SH3GL2: variants seen among roughly 807,000 people sequenced by gnomAD.
SH3GL2 encodes the protein SH3 domain containing GRB2 like 2, endophilin A1, also known as endophilin-A1.
Under a neutral mutation model 46.0 loss-of-function variants are expected in SH3GL2, and 24 were observed. That is an observed-to-expected ratio of 0.52 (90% CI 0.38 to 0.73). SH3GL2 has a LOEUF of 0.73. Ranked by LOEUF, SH3GL2 falls within the 30% of genes least tolerant of loss-of-function variation. The probability of loss-of-function intolerance (pLI) is 0.00; values close to 1 mark genes in which losing one functional copy is unlikely to be tolerated. For missense variants in SH3GL2, 413 were observed against 424.2 expected (o/e 0.97, Z 0.23); for synonymous variants, 196 against 147.1 (o/e 1.33, Z -2.40).
chr9:17,641,189 G>A (rs1819672867), intron 1 of SH3GL2, among the ~76,000 whole-genome samples: 1 of 151,978 alleles, frequency 6.6e-6, no homozygotes. Flanking sequence ...TTATAGTTTA[G>A]GCTTCTATCT....
chr9:17,792,780 C>G (rs529276058), intron 7 of SH3GL2, among the ~76,000 whole-genome samples: 3 of 152,324 alleles, frequency 2.0e-5, no homozygotes, highest in African/African-American at 7.2e-5. Flanking sequence ...CACCTTCACC[C>G]ACAACCACAC....
intron 1 of SH3GL2, among the ~76,000 whole-genome samples, chr9:17,611,271 G>C (rs547533637): frequency 6.6e-6 from 1 of 152,040 alleles, no homozygotes; most frequent in Non-Finnish European, 1.5e-5. Flanking sequence ...TAACTTCCAA[G>C]TTATTTCATA....
At chr9:17,787,256 C>G (rs913752897) in intron 4 of SH3GL2, 124 bp from the exon 5 acceptor site, 3 of 743,600 alleles carry the variant, frequency 4.0e-6, no homozygotes, top group South Asian at 1.8e-5. Flanking sequence ...TACCTATTCT[C>G]TCTTGTCTGT....
In SH3GL2 at chr9:17,791,265, A is replaced by C; in HGVS notation, c.659A>C (p.Gln220Pro). 1 of 1,613,752 alleles carries C rather than the reference A, an allele frequency of 6.2e-7. No individual in the cohort carries two copies. Residue 220 changes from glutamine to proline, a missense_variant, in exon 7 of 9, where the codon CAA becomes CCA. Gln to Pro is a moderately conservative substitution (Grantham distance 76). Transcript: ENST00000380607. Reference sequence around the variant, plus strand: ...GTGAGCCAGCTCTCTGCACTTGTGCAAGCTCAGCTGGAGTACCACAAGCAG... The same window carrying C: ...GTGAGCCAGCTCTCTGCACTTGTGCCAGCTCAGCTGGAGTACCACAAGCAG... Reference protein sequence around the residue: ...EQVSQLSALVQAQLEYHKQAV... With the variant: ...EQVSQLSALVPAQLEYHKQAV...
chr9:17,772,508 C>T (rs142732680), intron 3 of SH3GL2, among the ~76,000 whole-genome samples: 3 of 152,178 alleles, frequency 2.0e-5, no homozygotes, highest in South Asian at 2.1e-4. Context: ...CCCTTTCCTA[C>T]TTCAGCCGCT....
chr9:17,626,346 G>A (rs1425186320), intron 1 of SH3GL2, among the ~76,000 whole-genome samples: 1 of 152,218 alleles, frequency 6.6e-6, no homozygotes, highest in Non-Finnish European at 1.5e-5. Flanking sequence ...AGGGACAGTT[G>A]AGCCACTCTG....
intron 1 of SH3GL2, among the ~76,000 whole-genome samples, chr9:17,742,303 G>A (rs983850530): frequency 1.3e-5 from 2 of 152,138 alleles, no homozygotes; most frequent in African/African-American, 4.8e-5. Context: ...ACTGGGGGAG[G>A]ATGAGTCATT....
At chr9:17,653,297 T>G (rs550805929) in intron 1 of SH3GL2, among the ~76,000 whole-genome samples, 24 of 152,294 alleles carry the variant, frequency 1.6e-4, no homozygotes, top group African/African-American at 5.1e-4. Context: ...TTTTTTTCCC[T>G]CAGTTCTGGG....
chr9:17,730,829 A>G (rs571782651), intron 1 of SH3GL2, among the ~76,000 whole-genome samples: 1 of 152,224 alleles, frequency 6.6e-6, no homozygotes, highest in Non-Finnish European at 1.5e-5. Context: ...GTTCTTTGGG[A>G]AATTTCACTT....
intron 1 of SH3GL2, among the ~76,000 whole-genome samples, chr9:17,720,223 T>G (rs1380238843): frequency 6.6e-6 from 1 of 152,138 alleles, no homozygotes; most frequent in Non-Finnish European, 1.5e-5. Context: ...CTGCATCATC[T>G]TATGCCTCTT....
intron 1 of SH3GL2, among the ~76,000 whole-genome samples, chr9:17,688,919 C>G (rs1198617354): frequency 6.6e-6 from 1 of 152,002 alleles, no homozygotes; most frequent in African/African-American, 2.4e-5. Flanking sequence ...CATACCTGCC[C>G]ACTCTTTAAG....
intron 1 of SH3GL2, among the ~76,000 whole-genome samples, chr9:17,597,495 C>T (rs915270951): frequency 6.6e-5 from 10 of 150,694 alleles, no homozygotes; most frequent in East Asian, 2.0e-4. Flanking sequence ...CCAGCCTGGG[C>T]GACAGAGTGA....
intron 7 of SH3GL2, among the ~76,000 whole-genome samples, chr9:17,791,635 A>G (rs895816157): frequency 1.3e-5 from 2 of 152,192 alleles, no homozygotes; most frequent in Non-Finnish European, 2.9e-5. Flanking sequence ...CAGTTATTCC[A>G]TGTGGGTACT....
intron 1 of SH3GL2, among the ~76,000 whole-genome samples, chr9:17,729,407 G>A (rs10118915): frequency 0.24 from 36,709 of 151,932 alleles, 4,786 homozygotes; most frequent in Admixed American, 0.35. Flanking sequence ...CCCCCATTCC[G>A]TAGGTTGCCT....
intron 1 of SH3GL2, among the ~76,000 whole-genome samples, chr9:17,743,601 C>CA (rs1554645790): frequency 1.4e-5 from 2 of 145,738 alleles, no homozygotes; most frequent in Non-Finnish European, 3.0e-5. Flanking sequence ...CACACACACA[C>CA]CCCAAATAGT....
chr9:17,653,328 T>C (rs1819998303), intron 1 of SH3GL2, among the ~76,000 whole-genome samples: 2 of 152,186 alleles, frequency 1.3e-5, no homozygotes, highest in Non-Finnish European at 2.9e-5. Context: ...CTGTTATTTC[T>C]TCAATACTTT....
intron 2 of SH3GL2, among the ~76,000 whole-genome samples, chr9:17,757,054 A>T (rs1406248045): frequency 6.6e-6 from 1 of 152,102 alleles, no homozygotes; most frequent in African/African-American, 2.4e-5. Context: ...TGTGGTTTTC[A>T]TTTGCATTTC....
chr9:17,769,246 G>A (rs1242702796), intron 3 of SH3GL2, among the ~76,000 whole-genome samples: 1 of 152,178 alleles, frequency 6.6e-6, no homozygotes, highest in African/African-American at 2.4e-5. Flanking sequence ...CACTGCTACC[G>A]AAATGCAGTG....
At chr9:17,587,550 G>T (rs1818402361) in intron 1 of SH3GL2, among the ~76,000 whole-genome samples, 2 of 152,130 alleles carry the variant, frequency 1.3e-5, no homozygotes, top group Admixed American at 6.5e-5. Flanking sequence ...CACTATCCAT[G>T]GTAGATTTGA....
Sources: allele counts gnomAD v4.1 joint callset (sites outside exome capture counted in the v4.1 genomes callset), GRCh38; gene constraint gnomAD v4.1.1; transcripts MANE v1.5; gene names NCBI Gene and HGNC (gene_info 2026-07-23, HGNC 2026-07-21).